The following DENND6A variants were observed in gnomAD, a reference collection of about 807,000 sequenced individuals.
The protein encoded by DENND6A is protein DENND6A.
A neutral mutation model predicts 95.5 loss-of-function variants in DENND6A; 43 were observed. That is an observed-to-expected ratio of 0.45 (90% CI 0.35 to 0.58). The LOEUF (loss-of-function observed/expected upper bound fraction) is 0.58. DENND6A is among the 20% of genes least tolerant of loss of function. The probability of loss-of-function intolerance (pLI) is 0.00; values close to 1 mark genes in which losing one functional copy is unlikely to be tolerated. For missense variants in DENND6A, 574 were observed against 736.0 expected, an observed-to-expected ratio of 0.78 and a Z score of 2.55; for synonymous variants, 257 against 260.4, an observed-to-expected ratio of 0.99 and a Z score of 0.13.
chr3:57,653,763 A>G (rs2071260984), intron 9 of DENND6A, among the ~76,000 whole-genome samples: 3 of 148,512 alleles, frequency 2.0e-5, no homozygotes, highest in African/African-American at 2.5e-5. Flanking sequence ...AAAAAAAAAA[A>G]GGTAGCGTGC....
intron 5 of DENND6A, among the ~76,000 whole-genome samples, chr3:57,662,190 T>TC (rs1553742417): frequency 8.2e-5 from 10 of 121,842 alleles, no homozygotes; most frequent in Admixed American, 2.4e-4. Flanking sequence ...TTTTTCTTTT[T>TC]TTTTTTTTTT....
At chr3:57,688,971 T>C (rs1445682290) in intron 1 of DENND6A, among the ~76,000 whole-genome samples, 1 of 152,048 alleles carries the variant, frequency 6.6e-6, no homozygotes, top group Admixed American at 6.6e-5. Flanking sequence ...TAATTTTTCT[T>C]TTTTTTTGAG....
intron 5 of DENND6A, 112 bp downstream of exon 5, chr3:57,663,524 C>A (rs1025615067): frequency 3.4e-4 from 146 of 424,152 alleles, no homozygotes; most frequent in Non-Finnish European, 5.9e-4. Flanking sequence ...ATATATATAG[C>A]ATGTTTAAAG....
At chr3:57,679,948 G>T (rs551785295) in intron 1 of DENND6A, among the ~76,000 whole-genome samples, 1 of 152,316 alleles carries the variant, frequency 6.6e-6, no homozygotes, top group East Asian at 1.9e-4. Flanking sequence ...TGCTGAGCAG[G>T]ATTATGGACA....
chr3:57,638,032 G>A (rs1003653348), intron 12 of DENND6A, among the ~76,000 whole-genome samples: 7 of 151,828 alleles, frequency 4.6e-5, no homozygotes, highest in Admixed American at 3.9e-4. Flanking sequence ...TACTGGGGAG[G>A]CTGAGACAGG....
rs56135778 is a variant in DENND6A at position 57,627,727 on chromosome 3, G to C, written c.*487C>G. On this transcript the variant is annotated 3_prime_UTR_variant, in exon 20 of 20. Transcript: ENST00000311128. ...GCTTCAAGACTAGCAGCTGAACTGT[G>C]AAACATGTAGGACAACAGAAGGCAC... 0.13 allele frequency: 20,296 copies of C among 152,958 alleles called. 1,436 individuals are homozygous for C. The highest frequency in any genetic ancestry group is 0.21 in the South Asian group (1,020 of 4,844). The allele number at this position is 152,958 out of a possible 1,614,324, so 9.5% of individuals were successfully genotyped here.
At chr3:57,677,130 T>A (rs1008558193) in intron 1 of DENND6A, among the ~76,000 whole-genome samples, 1 of 152,092 alleles carries the variant, frequency 6.6e-6, no homozygotes, top group African/African-American at 2.4e-5. Flanking sequence ...AGCCTCAAAC[T>A]GTTATTTTTT....
intron 1 of DENND6A, among the ~76,000 whole-genome samples, chr3:57,679,756 A>T (rs1299100821): frequency 6.6e-6 from 1 of 152,222 alleles, no homozygotes; most frequent in African/African-American, 2.4e-5. Context: ...AAGACTATGT[A>T]GGGGATTGTG....
At chr3:57,680,991 G>A (rs1245657736) in intron 1 of DENND6A, among the ~76,000 whole-genome samples, 1 of 152,154 alleles carries the variant, frequency 6.6e-6, no homozygotes, top group Non-Finnish European at 1.5e-5. Context: ...TTCTCAAGAA[G>A]TTACAACATA....
intron 1 of DENND6A, among the ~76,000 whole-genome samples, chr3:57,680,847 A>C (rs1465059601): frequency 6.6e-6 from 1 of 152,210 alleles, no homozygotes; most frequent in Non-Finnish European, 1.5e-5. Context: ...ATAAAATTAC[A>C]ATAAGACATG....
intron 18 of DENND6A, among the ~76,000 whole-genome samples, chr3:57,630,055 A>C (rs1047274878): frequency 6.6e-6 from 1 of 152,138 alleles, no homozygotes; most frequent in Non-Finnish European, 1.5e-5. Flanking sequence ...AGGTTACTGA[A>C]TACAGAGCTG....
chr3:57,673,083 T>G (rs959862966), intron 1 of DENND6A, among the ~76,000 whole-genome samples: 1 of 149,766 alleles, frequency 6.7e-6, no homozygotes, highest in Non-Finnish European at 1.5e-5. Flanking sequence ...GTGTGGTGGC[T>G]CATGCTTGTA....
At chr3:57,676,010 C>T (rs1416429267) in intron 1 of DENND6A, among the ~76,000 whole-genome samples, 1 of 151,968 alleles carries the variant, frequency 6.6e-6, no homozygotes, top group Non-Finnish European at 1.5e-5. Flanking sequence ...CACATAAAGG[C>T]TGCAGCGAGC....
chr3:57,645,177 C>T (rs915804245), intron 11 of DENND6A, among the ~76,000 whole-genome samples: 2 of 151,998 alleles, frequency 1.3e-5, no homozygotes, highest in Admixed American at 6.6e-5. Flanking sequence ...AATAAAATCA[C>T]GTGGGCCGGG....
chr3:57,659,123 G>GCTC lies in DENND6A; in HGVS notation c.756_757insGAG (p.Thr252_Gln253insGlu). The GCTC allele has an allele frequency of 6.2e-7, 1 of 1,614,040 alleles. No individual in the cohort carries two copies. The highest frequency in any genetic ancestry group is 8.5e-7 in the Non-Finnish European group (1 of 1,179,994). On this transcript the variant is annotated inframe_insertion, in exon 8 of 20. Transcript: ENST00000311128. The stretch of plus-strand genomic sequence containing the variant: ...CTACCATAGTACCACACTACCTGCT[G>GCTC]AGTTAACTGCACTATTTGAGTTGTC...
chr3:57,629,108 A>G (rs75776873), intron 18 of DENND6A, among the ~76,000 whole-genome samples: 2,044 of 152,342 alleles, frequency 0.013, 51 homozygotes, highest in African/African-American at 0.046. Context: ...ATTTGGAAGT[A>G]AAACAAAATG....
intron 12 of DENND6A, among the ~76,000 whole-genome samples, 185 bp downstream of exon 12, chr3:57,641,468 C>T (rs368416770): frequency 1.7e-3 from 248 of 149,588 alleles, no homozygotes; most frequent in African/African-American, 5.6e-3. Flanking sequence ...GGTAGGAGGA[C>T]ATGACAGATT....
intron 3 of DENND6A, among the ~76,000 whole-genome samples, chr3:57,668,921 G>A (rs548331443): frequency 1.3e-5 from 2 of 152,250 alleles, no homozygotes; most frequent in African/African-American, 4.8e-5. Flanking sequence ...CGCCCAGCCT[G>A]GAGTGCAGTG....
At chr3:57,690,302 G>A (rs920234263) in intron 1 of DENND6A, among the ~76,000 whole-genome samples, 4 of 152,052 alleles carry the variant, frequency 2.6e-5, no homozygotes, top group African/African-American at 4.8e-5. Flanking sequence ...TCAGGAGATC[G>A]AGACCATCCT....
Sources: allele counts gnomAD v4.1 joint callset (sites outside exome capture counted in the v4.1 genomes callset), GRCh38; gene constraint gnomAD v4.1.1; transcripts MANE v1.5; gene names NCBI Gene and HGNC (gene_info 2026-07-23, HGNC 2026-07-21).